Variants in MEGF11 observed in about 807,000 individuals in gnomAD.
MEGF11 encodes multiple EGF like domains 11, also known as multiple epidermal growth factor-like domains protein 11.
In MEGF11, 126 loss-of-function variants were observed where a neutral mutation model predicts 146.6. That is an observed-to-expected ratio of 0.86 (90% confidence interval 0.74 to 1.00). The LOEUF (loss-of-function observed/expected upper bound fraction) is 1.00, where lower values mean the gene tolerates loss of function less well. Among genes scored for constraint, MEGF11 ranks in the 50% least tolerant of loss-of-function variants. MEGF11 has a pLI of 0.00. For synonymous variants in MEGF11, 532 were observed against 583.4 expected, an observed-to-expected ratio of 0.91 and a Z score of 1.27; for missense variants, 1,509 against 1,521.2, an observed-to-expected ratio of 0.99 and a Z score of 0.13.
intron 3 of MEGF11, among the ~76,000 whole-genome samples, chr15:66,122,619 G>A (rs1006606724): frequency 1.3e-5 from 2 of 152,176 alleles, no homozygotes; most frequent in African/African-American, 4.8e-5. Context: ...CCCTTCAACA[G>A]CTAGTCTCTC....
At chr15:66,127,483 C>T (rs139878632) in intron 2 of MEGF11, among the ~76,000 whole-genome samples, 103 of 152,300 alleles carry the variant, frequency 6.8e-4, no homozygotes, top group Non-Finnish European at 1.3e-3. Flanking sequence ...AGCACGGACC[C>T]CCGCTCCGAG....
At chr15:66,047,622 T>C (rs28524799) in intron 5 of MEGF11, among the ~76,000 whole-genome samples, 36,657 of 152,132 alleles carry the variant, frequency 0.24, 5,112 homozygotes, top group East Asian at 0.66. Context: ...TTTATGTCCT[T>C]ACTGTTTTTA....
rs1170288762 is a variant in MEGF11 at position 66,029,156 on chromosome 15, GT to G, written c.395-46669del. Among the ~76,000 whole-genome samples, 499 of 146,196 alleles carry G rather than the reference GT, an allele frequency of 3.4e-3. 2 individuals carry two copies. The highest frequency in any genetic ancestry group is 0.011 in the African/African-American group (442 of 40,236). ...GTGGCCAGGCAAACAGAATTGCCTT[GT>G]TTTTTTTTTTGGGTGCCCTCAAATG... On this transcript the variant is annotated intron_variant, in intron 5 of 25. Transcript: ENST00000395614.
chr15:66,244,574 G>C (rs1307804471), intron 1 of MEGF11, among the ~76,000 whole-genome samples: 1 of 152,134 alleles, frequency 6.6e-6, no homozygotes, highest in Non-Finnish European at 1.5e-5. Flanking sequence ...CTCCTCTCCT[G>C]CTGGCTGAGT....
chr15:66,091,221 C>T (rs1181467947), intron 5 of MEGF11, among the ~76,000 whole-genome samples: 1 of 152,202 alleles, frequency 6.6e-6, no homozygotes, highest in Non-Finnish European at 1.5e-5. Context: ...CCCTAAGGCA[C>T]TGCAGAGAGC....
intron 1 of MEGF11, among the ~76,000 whole-genome samples, chr15:66,167,602 G>A (rs899742695): frequency 1.3e-4 from 19 of 151,936 alleles, no homozygotes; most frequent in Non-Finnish European, 2.5e-4. Context: ...CCGAGATTGC[G>A]CCATTGCACT....
chr15:66,252,799 T>C (rs1257760134), intron 1 of MEGF11, among the ~76,000 whole-genome samples: 1 of 152,110 alleles, frequency 6.6e-6, no homozygotes, highest in East Asian at 1.9e-4. Context: ...ACCACCCATT[T>C]CCCCACCTCC....
chr15:66,070,924 G>A (rs947744298), intron 5 of MEGF11, among the ~76,000 whole-genome samples: 10 of 152,008 alleles, frequency 6.6e-5, no homozygotes, highest in Non-Finnish European at 1.3e-4. Context: ...ATATTAAAGG[G>A]AAAAACATGG....
chr15:66,197,348 T>C (rs1323249099), intron 1 of MEGF11, among the ~76,000 whole-genome samples: 1 of 152,216 alleles, frequency 6.6e-6, no homozygotes, highest in Non-Finnish European at 1.5e-5. Flanking sequence ...TTCACTCTCA[T>C]CTCCAGGTTC....
chr15:66,172,518 G>C (rs776632372), intron 1 of MEGF11, among the ~76,000 whole-genome samples: 1 of 152,118 alleles, frequency 6.6e-6, no homozygotes, highest in Non-Finnish European at 1.5e-5. Context: ...GGCTTTCCCC[G>C]CAGGGCTACC....
chr15:66,079,835 G>T (rs1261117677), intron 5 of MEGF11, among the ~76,000 whole-genome samples: 1 of 152,132 alleles, frequency 6.6e-6, no homozygotes, highest in African/African-American at 2.4e-5. Context: ...CTTTGAGCTG[G>T]TGTTCTGGGG....
Position 65,898,066 on chromosome 15 carries a change from A to G in MEGF11, c.3291T>C (p.Gly1097=), listed in dbSNP as rs765559166. 6 of 1,613,808 alleles carry G rather than the reference A, an allele frequency of 3.7e-6. No homozygotes were observed. Among genetic ancestry groups the G allele is most frequent in the Admixed American group, 1.7e-5 (1 of 60,006 alleles). ...VEPTVSVVQE[G]CGHNSSYIQN... ...GGATATAGCTGGAGTTATGACCGCAACCTTCTTGGACCACACTGACTGTGG... is the reference window on the plus strand; with the variant it reads ...GGATATAGCTGGAGTTATGACCGCAGCCTTCTTGGACCACACTGACTGTGG... The change falls in exon 26 of 26, where the codon GGT becomes GGC. Residue 1097 remains glycine, a synonymous_variant. Transcript: ENST00000395614.
rs759230211 is a variant in MEGF11 at position 65,980,896 on chromosome 15, C to A, written c.644G>T (p.Cys215Phe). The A allele has an allele frequency of 6.3e-7, 1 of 1,578,570 alleles. No homozygotes were observed. Among genetic ancestry groups the A allele is most frequent in the Non-Finnish European group, 8.6e-7 (1 of 1,163,472 alleles). ...LCAPGYTGVY[C>F]EELCPPGSHG... The stretch of plus-strand genomic sequence containing the variant: ...GCTCCCAGGAGGGCACAGCTCCTCG[C>A]AGCTGCATGGAGAAGCAGAGGTGTT... Residue 215 changes from cysteine to phenylalanine, a missense_variant and splice_region_variant, in exon 7 of 26, where the codon TGC (cysteine) becomes TTC (phenylalanine). Physicochemically the swap from Cys to Phe is radical, Grantham distance 205. Coordinates refer to ENST00000395614, the MANE Select transcript of MEGF11 (RefSeq NM_001385028.1).
intron 1 of MEGF11, among the ~76,000 whole-genome samples, chr15:66,235,542 A>G (rs2092070849): frequency 2.0e-5 from 3 of 151,846 alleles, no homozygotes; most frequent in Admixed American, 6.6e-5. Flanking sequence ...AAATCCAGAG[A>G]CATGGCCAAG....
At chr15:66,125,791 C>T (rs2088306134) in intron 2 of MEGF11, among the ~76,000 whole-genome samples, 1 of 152,172 alleles carries the variant, frequency 6.6e-6, no homozygotes, top group Non-Finnish European at 1.5e-5. Context: ...AAGACCAACA[C>T]ACAGAATGGA....
chr15:66,125,083 G>A (rs2088270409), intron 2 of MEGF11, among the ~76,000 whole-genome samples: 1 of 152,216 alleles, frequency 6.6e-6, no homozygotes, highest in East Asian at 1.9e-4. Flanking sequence ...TGGGTCCACG[G>A]TAGGCTCTCT....
At chr15:66,219,623 T>C (rs1262675531) in intron 1 of MEGF11, among the ~76,000 whole-genome samples, 1 of 152,072 alleles carries the variant, frequency 6.6e-6, no homozygotes, top group African/African-American at 2.4e-5. Context: ...GAATTTGAAA[T>C]GGTATAGCCA....
At chr15:66,185,694 C>A (rs2141169137) in intron 1 of MEGF11, among the ~76,000 whole-genome samples, 1 of 152,270 alleles carries the variant, frequency 6.6e-6, no homozygotes, top group African/African-American at 2.4e-5. Context: ...GCAGCAGCGA[C>A]ATCAGGATGG....
chr15:66,035,687 C>A (rs2083700236), intron 5 of MEGF11, among the ~76,000 whole-genome samples: 1 of 152,222 alleles, frequency 6.6e-6, no homozygotes, highest in Non-Finnish European at 1.5e-5. Context: ...GTACCCACTA[C>A]TTAGATTAAA....
Sources: allele counts gnomAD v4.1 joint callset (sites outside exome capture counted in the v4.1 genomes callset), GRCh38; gene constraint gnomAD v4.1.1; transcripts MANE v1.5; gene names NCBI Gene and HGNC (gene_info 2026-07-23, HGNC 2026-07-21).